The following FAM227B variants were observed in gnomAD, a reference collection of about 807,000 sequenced individuals.
The protein encoded by FAM227B is family with sequence similarity 227 member B.
FAM227B carries 88 observed loss-of-function variants against 73.8 expected under a neutral mutation model. The observed-to-expected ratio is 1.19, with a 90% CI of 1.00 to 1.42. FAM227B has a LOEUF of 1.42. FAM227B is among the 40% of genes most tolerant of loss of function. The pLI is 0.00. For synonymous variants in FAM227B, 210 were observed against 190.5 expected (o/e 1.10, Z -0.84); for missense variants, 632 against 590.9 (o/e 1.07, Z -0.72).
intron 11 of FAM227B, among the ~76,000 whole-genome samples, chr15:49,476,232 G>GTTTTTTT: frequency 0.01 from 575 of 56,864 alleles, 31 homozygotes; most frequent in Non-Finnish European, 0.013. Context: ...TTTGTTTTTG[G>GTTTTTTT]TTTTTTTTTT....
At chr15:49,472,867 T>C (rs1257858118) in intron 11 of FAM227B, among the ~76,000 whole-genome samples, 1 of 152,152 alleles carries the variant, frequency 6.6e-6, no homozygotes. Context: ...TTTCCCAAAT[T>C]TGCTAATGAC....
chr15:49,497,293 T>C (rs190991851), intron 11 of FAM227B, among the ~76,000 whole-genome samples: 4 of 152,226 alleles, frequency 2.6e-5, no homozygotes, highest in African/African-American at 7.2e-5. Flanking sequence ...CACCAGTAAA[T>C]ACATGATCTG....
chr15:49,557,498 T>C (rs1286702079), intron 9 of FAM227B, among the ~76,000 whole-genome samples: 1 of 152,190 alleles, frequency 6.6e-6, no homozygotes. Flanking sequence ...AAGCAGCTAG[T>C]ATACACTGCT....
At chr15:49,485,672 A>T (rs1420115823) in intron 11 of FAM227B, 1 of 152,520 alleles carries the variant, frequency 6.6e-6, no homozygotes, top group Non-Finnish European at 1.5e-5. Flanking sequence ...GATGTCTCAC[A>T]CAGAACAATA....
chr15:49,511,683 C>T (rs2059011470), intron 10 of FAM227B, among the ~76,000 whole-genome samples: 1 of 152,082 alleles, frequency 6.6e-6, no homozygotes, highest in African/African-American at 2.4e-5. Context: ...CGTTCAGCTC[C>T]CACTTATAAG....
At chr15:49,497,399 C>G (rs1321323393) in intron 11 of FAM227B, among the ~76,000 whole-genome samples, 2 of 152,100 alleles carry the variant, frequency 1.3e-5, no homozygotes, top group Admixed American at 6.6e-5. Context: ...GATATGGAAG[C>G]TCTCAGATAC....
chr15:49,391,825 T>C (rs1481380381), intron 11 of FAM227B, among the ~76,000 whole-genome samples: 1 of 152,058 alleles, frequency 6.6e-6, no homozygotes, highest in South Asian at 2.1e-4. Context: ...TAAAAAGAGG[T>C]GTCTCTGCTT....
intron 9 of FAM227B, among the ~76,000 whole-genome samples, chr15:49,562,213 A>G (rs1237703986): frequency 2.6e-5 from 4 of 152,136 alleles, no homozygotes; most frequent in Non-Finnish European, 5.9e-5. Flanking sequence ...AGAGACTATT[A>G]TGAACAACAC....
chr15:49,599,078 T>C (rs1023154780), intron 3 of FAM227B, among the ~76,000 whole-genome samples: 3 of 152,040 alleles, frequency 2.0e-5, no homozygotes, highest in Non-Finnish European at 4.4e-5. Flanking sequence ...GTCCTGGGCT[T>C]TTGTTTATTG....
At chr15:49,370,337 G>A (rs1004824813) in intron 12 of FAM227B, among the ~76,000 whole-genome samples, 2 of 152,274 alleles carry the variant, frequency 1.3e-5, no homozygotes, top group Middle Eastern at 3.4e-3. Flanking sequence ...AACAAAGTAC[G>A]AGAGACCATT....
At position 49,568,358 on chromosome 15, in the gene FAM227B, G is replaced by T; in HGVS notation, c.646-12C>A. 1.3e-6 allele frequency: 2 copies of T among 1,585,682 alleles called. No individual in the cohort carries two copies. Among genetic ancestry groups the T allele is most frequent in the Non-Finnish European group, 1.7e-6 (2 of 1,162,240 alleles). On this transcript the variant is annotated splice_polypyrimidine_tract_variant and intron_variant, in intron 8 of 15. Coordinates refer to ENST00000299338, the MANE Select transcript of FAM227B (RefSeq NM_152647.3). Reference sequence around the variant, plus strand: ...TTTTCTCTGTCAGGCTTAAAAAAATGTGTGAAATTAAAGTCAATATTACAA... The same window carrying T: ...TTTTCTCTGTCAGGCTTAAAAAAATTTGTGAAATTAAAGTCAATATTACAA...
At position 49,541,744 on chromosome 15, in the gene FAM227B, C is replaced by A; in HGVS notation, c.810G>T (p.Ser270=). The change falls in exon 10 of 16, where the codon TCG becomes TCT. Residue 270 remains serine, a synonymous_variant. Coordinates refer to ENST00000299338, the MANE Select transcript of FAM227B (RefSeq NM_152647.3). ...TAAATTCATCATTAAAGAGGTAACT[C>A]GATTCTGGAAATGCTTCATGGAACG... ...YATFHEAFPE[S]SYLFNDEFKE... 1 of 1,542,474 alleles carries A rather than the reference C, an allele frequency of 6.5e-7. No individual in the cohort carries two copies. Among genetic ancestry groups the A allele is most frequent in the Non-Finnish European group, 8.7e-7 (1 of 1,144,178 alleles).
chr15:49,424,428 T>G, intron 11 of FAM227B: 1 of 1,613,712 alleles, frequency 6.2e-7, no homozygotes, highest in Non-Finnish European at 8.5e-7. Context: ...GCTACAAATG[T>G]GAACTGTTCC....
chr15:49,573,888 C>T (rs1307508908), intron 8 of FAM227B, among the ~76,000 whole-genome samples: 1 of 152,066 alleles, frequency 6.6e-6, no homozygotes, highest in Non-Finnish European at 1.5e-5. Context: ...AGTCTCTATA[C>T]GTACTGATTT....
At chr15:49,618,609 T>G (rs560381778) in intron 1 of FAM227B, among the ~76,000 whole-genome samples, 4 of 152,336 alleles carry the variant, frequency 2.6e-5, no homozygotes, top group Non-Finnish European at 5.9e-5. Flanking sequence ...ATATCACTAT[T>G]GACAGGTGAA....
intron 14 of FAM227B, among the ~76,000 whole-genome samples, chr15:49,334,671 G>A (rs1297042638): frequency 2.6e-5 from 4 of 152,162 alleles, no homozygotes; most frequent in African/African-American, 9.7e-5. Context: ...GAAAGCAGGG[G>A]CGCAGGCTTT....
chr15:49,414,549 G>A (rs1366960822), intron 11 of FAM227B, among the ~76,000 whole-genome samples: 1 of 152,154 alleles, frequency 6.6e-6, no homozygotes, highest in African/African-American at 2.4e-5. Context: ...AAATGGGGAT[G>A]TTACTGATGA....
intron 11 of FAM227B, among the ~76,000 whole-genome samples, chr15:49,419,980 T>G (rs2049486688): frequency 6.6e-6 from 1 of 152,138 alleles, no homozygotes; most frequent in Non-Finnish European, 1.5e-5. Context: ...ATGCAAAGGA[T>G]AACTACAATT....
At chr15:49,443,033 G>A (rs1171918515) in intron 11 of FAM227B, among the ~76,000 whole-genome samples, 1 of 151,680 alleles carries the variant, frequency 6.6e-6, no homozygotes, top group East Asian at 1.9e-4. Flanking sequence ...CATATTAAGT[G>A]TTTGAAAATA....
Sources: allele counts gnomAD v4.1 joint callset (sites outside exome capture counted in the v4.1 genomes callset), GRCh38; gene constraint gnomAD v4.1.1; transcripts MANE v1.5; gene names NCBI Gene and HGNC (gene_info 2026-07-23, HGNC 2026-07-21).